Variants in FTO observed in about 807,000 individuals in gnomAD.
FTO encodes FTO alpha-ketoglutarate dependent dioxygenase.
FTO carries 47 observed loss-of-function variants against 63.9 expected under a neutral mutation model. The observed-to-expected ratio is 0.74, with a 90% CI of 0.58 to 0.94. FTO has a LOEUF of 0.94. Among genes scored for constraint, FTO ranks in the 40% least tolerant of loss-of-function variants. FTO has a pLI of 0.00. For missense variants in FTO, 562 were observed against 618.1 expected, an observed-to-expected ratio of 0.91 and a Z score of 0.96; for synonymous variants, 207 against 224.4, an observed-to-expected ratio of 0.92 and a Z score of 0.69.
intron 1 of FTO, among the ~76,000 whole-genome samples, chr16:53,719,863 GT>G (rs1361112791): frequency 2.0e-5 from 3 of 151,686 alleles, no homozygotes; most frequent in African/African-American, 7.3e-5. Context: ...ATTTGTGCAT[GT>G]TTTTGTAGCA....
chr16:53,783,604 T>TATCAAAAAAA (rs397716766), intron 1 of FTO, among the ~76,000 whole-genome samples: 7 of 68,122 alleles, frequency 1.0e-4, no homozygotes, highest in African/African-American at 1.8e-4. Context: ...CAAGACTCCA[T>TATCAAAAAAA]AAAAAAAAAA....
At chr16:53,990,221 T>C (rs2083775862) in intron 8 of FTO, among the ~76,000 whole-genome samples, 1 of 152,196 alleles carries the variant, frequency 6.6e-6, no homozygotes, top group African/African-American at 2.4e-5. Flanking sequence ...AGGTAGTACC[T>C]GTAGCATGCA....
intron 3 of FTO, among the ~76,000 whole-genome samples, chr16:53,830,882 T>C (rs530456579): frequency 1.3e-5 from 2 of 151,962 alleles, no homozygotes; most frequent in Non-Finnish European, 2.9e-5. Context: ...GGCGACAGAG[T>C]GAGATTCCGT....
At chr16:53,854,044 G>C (rs1177006573) in intron 4 of FTO, among the ~76,000 whole-genome samples, 1 of 151,964 alleles carries the variant, frequency 6.6e-6, no homozygotes, top group Non-Finnish European at 1.5e-5. Flanking sequence ...TCTCATTGTG[G>C]TTTTAATTTG....
intron 8 of FTO, chr16:53,965,869 T>A (rs966197360): frequency 3.3e-5 from 4 of 122,680 alleles, no homozygotes; most frequent in Admixed American, 7.7e-5. Context: ...ATTTTGAAAC[T>A]TTTTTTTTTT....
rs201746324 is a variant in FTO, at chr16:53,800,581, A to G, written c.46-9559A>G. 2.6e-5 allele frequency among the ~76,000 whole-genome samples: 4 copies of G among 152,270 alleles called. No homozygotes were observed. In the East Asian group the frequency reaches 7.7e-4, roughly 29 times the overall value. On this transcript the variant is annotated intron_variant, in intron 1 of 8. Coordinates refer to ENST00000471389, the MANE Select transcript of FTO (RefSeq NM_001080432.3). ...CAGTTATTAAGACAAGGATATTGAA[A>G]TCTTAGACTATTAATTATGGAATTA...
intron 4 of FTO, among the ~76,000 whole-genome samples, chr16:53,852,952 T>C (rs772104082): frequency 5.3e-5 from 8 of 152,216 alleles, no homozygotes; most frequent in Non-Finnish European, 5.9e-5. Flanking sequence ...ACCACAGTTA[T>C]CATACTGGGA....
intron 8 of FTO, among the ~76,000 whole-genome samples, chr16:53,948,642 A>G (rs936531537): frequency 2.0e-5 from 3 of 152,238 alleles, no homozygotes; most frequent in African/African-American, 7.2e-5. Context: ...CACATTTTCA[A>G]CAGAAGTGGA....
At chr16:54,062,768 G>A (rs1377507815) in intron 8 of FTO, among the ~76,000 whole-genome samples, 11 of 152,200 alleles carry the variant, frequency 7.2e-5, no homozygotes, top group Non-Finnish European at 1.5e-4. Flanking sequence ...GCTGTTATGC[G>A]CTGGCTTGAC....
At chr16:54,053,897 T>G (rs138580588) in intron 8 of FTO, among the ~76,000 whole-genome samples, 137 of 152,280 alleles carry the variant, frequency 9.0e-4, no homozygotes, top group African/African-American at 3.2e-3. Flanking sequence ...CGTAAGCAAC[T>G]TAAATCAACT....
At chr16:53,897,415 A>G (rs1021556860) in intron 7 of FTO, among the ~76,000 whole-genome samples, 2 of 152,154 alleles carry the variant, frequency 1.3e-5, no homozygotes, top group African/African-American at 4.8e-5. Flanking sequence ...TTAAATTTTA[A>G]TGTTTTAGAC....
intron 2 of FTO, among the ~76,000 whole-genome samples, chr16:53,820,076 T>A (rs2078814146): frequency 6.6e-6 from 1 of 150,902 alleles, no homozygotes; most frequent in African/African-American, 2.4e-5. Context: ...TGGTGTGATC[T>A]CGGCTCACTG....
At chr16:53,704,883 T>C (rs976484610) in intron 1 of FTO, among the ~76,000 whole-genome samples, 5 of 152,226 alleles carry the variant, frequency 3.3e-5, no homozygotes, top group African/African-American at 1.2e-4. Context: ...ATAGATATTA[T>C]ACAGATGGAG....
chr16:54,092,408 A>T (rs187713096), intron 8 of FTO, among the ~76,000 whole-genome samples: 3 of 152,324 alleles, frequency 2.0e-5, no homozygotes, highest in Non-Finnish European at 4.4e-5. Context: ...AGTCTATTAA[A>T]CTTGCCTTTA....
At chr16:53,719,237 TC>T (rs2075970399) in intron 1 of FTO, among the ~76,000 whole-genome samples, 1 of 151,296 alleles carries the variant, frequency 6.6e-6, no homozygotes, top group African/African-American at 2.4e-5. Flanking sequence ...TTCTTCTTCT[TC>T]TTTTTCTTCT....
At chr16:53,971,986 A>T (rs2083332953) in intron 8 of FTO, among the ~76,000 whole-genome samples, 1 of 151,414 alleles carries the variant, frequency 6.6e-6, no homozygotes, top group Non-Finnish European at 1.5e-5. Context: ...CTCCTTCACC[A>T]CTCTGCTTGG....
At position 54,005,352 on chromosome 16, in the gene FTO, A is replaced by T. The variant is rs189801731; in HGVS notation, c.1364+71243A>T. Among the ~76,000 whole-genome samples, 397 of 147,478 alleles carry T rather than the reference A, an allele frequency of 2.7e-3. 4 individuals are homozygous for T. Among genetic ancestry groups the T allele is most frequent in the South Asian group, 0.024 (115 of 4,764 alleles). ...TTTATTTTATATATATAAATTTTTTAAAATATGAAATAAATATATAATACA... is the reference window on the plus strand; with the variant it reads ...TTTATTTTATATATATAAATTTTTTTAAATATGAAATAAATATATAATACA... On this transcript the variant is annotated intron_variant, in intron 8 of 8. Transcript: ENST00000471389.
intron 1 of FTO, among the ~76,000 whole-genome samples, chr16:53,741,945 A>G (rs113404716): frequency 0.011 from 1,670 of 152,232 alleles, 28 homozygotes; most frequent in East Asian, 0.04. Flanking sequence ...ACAGACCCAT[A>G]CTGGCTGTTG....
At chr16:53,788,537 A>G (rs898302499) in intron 1 of FTO, among the ~76,000 whole-genome samples, 6 of 150,596 alleles carry the variant, frequency 4.0e-5, no homozygotes, top group African/African-American at 1.5e-4. Context: ...CGGGAGGTGG[A>G]AATTGCAGTG....
Sources: allele counts gnomAD v4.1 joint callset (sites outside exome capture counted in the v4.1 genomes callset), GRCh38; gene constraint gnomAD v4.1.1; transcripts MANE v1.5; gene names NCBI Gene and HGNC (gene_info 2026-07-23, HGNC 2026-07-21).